Variants in MAN2A1 observed in about 807,000 individuals in gnomAD.
MAN2A1 encodes the protein mannosidase alpha class 2A member 1.
In MAN2A1, 76 loss-of-function variants were observed where a neutral mutation model predicts 142.6. That is an observed-to-expected ratio of 0.53 (90% CI 0.44 to 0.65). MAN2A1 has a LOEUF of 0.65. Ranked by LOEUF, MAN2A1 falls within the 30% of genes least tolerant of loss-of-function variation. The pLI is 0.00. For missense variants in MAN2A1, 1,311 were observed against 1,365.1 expected (o/e 0.96, Z 0.62); for synonymous variants, 559 against 473.2 (o/e 1.18, Z -2.35).
intron 15 of MAN2A1, 93 bp downstream of exon 15, chr5:109,820,435 GT>G: frequency 7.9e-7 from 1 of 1,258,018 alleles, no homozygotes. Context: ...TTTATCATCT[GT>G]TGATTTATTA....
intron 4 of MAN2A1, among the ~76,000 whole-genome samples, chr5:109,732,575 G>C (rs200390413): frequency 2.7e-5 from 4 of 150,584 alleles, no homozygotes; most frequent in Non-Finnish European, 4.5e-5. Context: ...TCAGCTTTCT[G>C]CTTATGGCTA....
chr5:109,767,445 A>G (rs1261602098), intron 5 of MAN2A1, 90 bp from the exon 6 acceptor site: 3 of 1,038,180 alleles, frequency 2.9e-6, no homozygotes, highest in African/African-American at 3.2e-5. Context: ...CTAGGAGACT[A>G]TACAATGACA....
intron 1 of MAN2A1, among the ~76,000 whole-genome samples, chr5:109,691,820 A>G (rs568025989): frequency 1.4e-4 from 22 of 152,222 alleles, no homozygotes; most frequent in Non-Finnish European, 2.9e-4. Flanking sequence ...AAATAGAAAC[A>G]AGCACTGAGG....
intron 3 of MAN2A1, among the ~76,000 whole-genome samples, chr5:109,719,361 A>C (rs185376367): frequency 2.0e-5 from 3 of 152,236 alleles, no homozygotes; most frequent in Admixed American, 6.5e-5. Context: ...AATTTTCACT[A>C]TTCCTTAACT....
rs1580312523 is a variant in MAN2A1, at chr5:109,846,065, T to C, written c.2842+59T>C. The C allele has an allele frequency of 6.8e-6, 10 of 1,464,940 alleles. No individual in the cohort carries two copies. The East Asian group carries it at 2.5e-4, about 37-fold the overall frequency. The allele number at this position is 1,464,940 out of a possible 1,614,324, so 90.7% of individuals were successfully genotyped here. A position where few individuals can be genotyped will look rare whatever the true frequency, so the allele number is the denominator to read the frequency against. ...AGGTTTCAATTCCAACTGTATACTT[T>C]TTCTGTTGGTCAGATGTGGTATAAT... On this transcript the variant is annotated intron_variant, in intron 18 of 21. Coordinates refer to ENST00000261483, the MANE Select transcript of MAN2A1 (RefSeq NM_002372.4).
intron 4 of MAN2A1, among the ~76,000 whole-genome samples, chr5:109,735,071 G>A (rs577362174): frequency 1.4e-3 from 213 of 151,880 alleles, no homozygotes; most frequent in African/African-American, 4.5e-3. Context: ...TTGGGTGCAT[G>A]TATATTTAGG....
chr5:109,736,963 A>G (rs182306638), intron 4 of MAN2A1, among the ~76,000 whole-genome samples: 109 of 151,952 alleles, frequency 7.2e-4, no homozygotes, highest in African/African-American at 2.4e-3. Context: ...TAACTGTACT[A>G]CTGTTTTCTT....
chr5:109,767,457 T>C, intron 5 of MAN2A1, 78 bp from the exon 6 acceptor site: 1 of 1,165,030 alleles, frequency 8.6e-7, no homozygotes, highest in Non-Finnish European at 1.2e-6. Context: ...ACAATGACAA[T>C]GAGTCTGAAT....
chr5:109,832,425 C>T (rs997808522), intron 16 of MAN2A1, among the ~76,000 whole-genome samples: 4 of 151,994 alleles, frequency 2.6e-5, no homozygotes, highest in Non-Finnish European at 4.4e-5. Context: ...CCACATCCTG[C>T]ACCGCCCTTA....
chr5:109,845,819 A>G (rs371275177), intron 17 of MAN2A1, 46 bp from the exon 18 acceptor site: 10 of 1,525,352 alleles, frequency 6.6e-6, no homozygotes, highest in South Asian at 1.2e-5. Flanking sequence ...TTAAAAGAAC[A>G]TATGTAAATA....
chr5:109,758,583 G>A (rs1156911162), intron 5 of MAN2A1, among the ~76,000 whole-genome samples: 1 of 150,734 alleles, frequency 6.6e-6, no homozygotes, highest in Admixed American at 6.6e-5. Flanking sequence ...GTTTAATCCT[G>A]AATTATAAAG....
Position 109,784,881 on chromosome 5 carries a change from T to C in MAN2A1, c.1715T>C (p.Ile572Thr). The change falls in exon 10 of 22, where the codon ATC becomes ACC. Residue 572 changes from isoleucine (I) to threonine (T), a missense_variant. Coordinates refer to ENST00000261483, the MANE Select transcript of MAN2A1 (RefSeq NM_002372.4). Reference protein sequence around the residue: ...NLGLFQHHDAITGTAKDWVVV... With the variant: ...NLGLFQHHDATTGTAKDWVVV... ...GGACTGTTTCAACATCATGATGCTA[T>C]CACAGGAACTGCAAAAGACTGGGTG... is the stretch of plus-strand genomic sequence containing the variant. 1 of 1,611,046 alleles carries C rather than the reference T, an allele frequency of 6.2e-7. No individual in the cohort carries two copies. The highest frequency in any genetic ancestry group is 8.5e-7 in the Non-Finnish European group (1 of 1,178,884).
intron 19 of MAN2A1, among the ~76,000 whole-genome samples, chr5:109,853,264 T>C (rs1580318698): frequency 6.6e-6 from 1 of 152,268 alleles, no homozygotes; most frequent in African/African-American, 2.4e-5. Context: ...CATGGAGCAG[T>C]GTGCGGCTAA....
At chr5:109,730,023 C>T (rs1561482124) in intron 4 of MAN2A1, among the ~76,000 whole-genome samples, 1 of 151,948 alleles carries the variant, frequency 6.6e-6, no homozygotes. Flanking sequence ...ACAACTTTGT[C>T]CCACAAATGG....
intron 1 of MAN2A1, among the ~76,000 whole-genome samples, chr5:109,698,655 G>A (rs1750883367): frequency 6.6e-6 from 1 of 152,196 alleles, no homozygotes; most frequent in South Asian, 2.1e-4. Context: ...GAAATTAAAT[G>A]CTTTTTCCAA....
Position 109,706,904 on chromosome 5 carries a change from A to AT in MAN2A1, c.136-6613dup, listed in dbSNP as rs141984624. ...TACAGCTCTTATAACTAGAAACTTG[A>AT]TTTGGTTGAGTGCAGATCTTATATC... On this transcript the variant is annotated intron_variant, in intron 1 of 21. Transcript: ENST00000261483. 1.0e-3 allele frequency among the ~76,000 whole-genome samples: 158 copies of AT among 152,304 alleles called. 1 individual carries two copies. In the East Asian group the frequency reaches 0.024, roughly 23 times the overall value.
At chr5:109,783,736 C>T (rs955918915) in intron 9 of MAN2A1, among the ~76,000 whole-genome samples, 5 of 131,492 alleles carry the variant, frequency 3.8e-5, no homozygotes, top group Non-Finnish European at 8.2e-5. Context: ...AGCCATGTCT[C>T]CTTTTAAATA....
chr5:109,727,874 T>G (rs1013387988), intron 3 of MAN2A1, among the ~76,000 whole-genome samples: 1 of 152,112 alleles, frequency 6.6e-6, no homozygotes, highest in African/African-American at 2.4e-5. Flanking sequence ...GGTTAGTACT[T>G]TGGTGAAGCT....
intron 8 of MAN2A1, among the ~76,000 whole-genome samples, chr5:109,776,356 T>C (rs1028558674): frequency 6.6e-6 from 1 of 152,090 alleles, no homozygotes; most frequent in African/African-American, 2.4e-5. Context: ...TTTTATCAGA[T>C]TATGAACTCG....
Sources: gnomAD v4.1 joint callset for allele counts (sites outside exome capture counted in the v4.1 genomes callset) on GRCh38, gnomAD v4.1.1 for gene constraint, MANE v1.5 for transcripts, NCBI Gene and HGNC (gene_info 2026-07-23, HGNC 2026-07-21) for gene names.